The following FBXO11 variants were observed in gnomAD, a reference collection of about 807,000 sequenced individuals.
FBXO11 encodes F-box only protein 11.
In FBXO11, 13 loss-of-function variants were observed where a neutral mutation model predicts 117.0. That is an observed-to-expected ratio of 0.11 (90% CI 0.07 to 0.18). The LOEUF is 0.18. Among genes scored for constraint, FBXO11 ranks in the 10% least tolerant of loss-of-function variants. The pLI, the probability that FBXO11 is intolerant of heterozygous loss-of-function variation, is 1.00. For synonymous variants in FBXO11, 490 were observed against 380.5 expected (o/e 1.29, Z -3.35); for missense variants, 767 against 1,164.4 (o/e 0.66, Z 4.97).
chr2:47,905,512 T>C lies in FBXO11; in HGVS notation c.209A>G (p.Glu70Gly). Residue 70 changes from glutamate (E) to glycine (G), a missense_variant, in exon 1 of 23, where the codon GAG (glutamate) becomes GGG (glycine). Glu to Gly is a moderately conservative substitution (Grantham distance 98, BLOSUM62 -2). This residue lies in a region of FBXO11 where 355 missense variants were observed against 299.8 expected (regional missense o/e 1.18). Coordinates refer to ENST00000403359, the MANE Select transcript of FBXO11 (RefSeq NM_001190274.2). ...PPPPPPPLPQ[E>G]RNNVGERDDD... ...ACCCCGCTCGCCGACGTTGTTCCGCTCCTGAGGCAGCGGCGGAGGCGGCGG... is the reference window on the plus strand; with the variant it reads ...ACCCCGCTCGCCGACGTTGTTCCGCCCCTGAGGCAGCGGCGGAGGCGGCGG... 1 of 1,233,176 alleles carries C rather than the reference T, an allele frequency of 8.1e-7. No individual in the cohort carries two copies. The highest frequency in any genetic ancestry group is 1.0e-6 in the Non-Finnish European group (1 of 990,100). The allele number at this position is 1,233,176 out of a possible 1,614,324, so 76.4% of individuals were successfully genotyped here. A position where few individuals can be genotyped will look rare whatever the true frequency, so the allele number is the denominator to read the frequency against.
intron 1 of FBXO11, among the ~76,000 whole-genome samples, chr2:47,860,701 C>G (rs1371189118): frequency 6.6e-6 from 1 of 151,572 alleles, no homozygotes; most frequent in Admixed American, 6.6e-5. Context: ...GCCACCACGC[C>G]CAGCCTACCC....
At position 47,813,816 on chromosome 2, in the gene FBXO11, A is replaced by G; in HGVS notation, c.2058T>C (p.Asn686=). The change falls in exon 17 of 23, where the codon AAT becomes AAC. Residue 686 remains asparagine (N), a synonymous_variant. Coordinates refer to ENST00000403359, the MANE Select transcript of FBXO11 (RefSeq NM_001190274.2). ...CAGAATTATAAACTAGAATTCCACC[A>G]TTCTGTCCTCCCCAGATTTTGTTGC... The part of the protein sequence containing the change: ...IRRNKIWGGQ[N]GGILVYNSGL... 2 of 1,613,576 alleles carry G rather than the reference A, an allele frequency of 1.2e-6. No individual in the cohort carries two copies. The highest frequency in any genetic ancestry group is 1.7e-6 in the Non-Finnish European group (2 of 1,179,564).
At chr2:47,831,079 G>GT (rs1466532223) in intron 11 of FBXO11, among the ~76,000 whole-genome samples, 2 of 151,722 alleles carry the variant, frequency 1.3e-5, no homozygotes, top group Admixed American at 6.6e-5. Context: ...GATTACAGGT[G>GT]TGAGCCACTG....
chr2:47,890,094 G>T (rs938219864), intron 1 of FBXO11, among the ~76,000 whole-genome samples: 1 of 152,062 alleles, frequency 6.6e-6, no homozygotes, highest in African/African-American at 2.4e-5. Context: ...AGGACTACAG[G>T]TACATGCCAC....
chr2:47,855,954 C>G lies in FBXO11; in HGVS notation c.233-16185G>C, dbSNP rs540783672. ...ACAGAGATATCAAGTTCATTCAAAA[C>G]CTGAGCAAAAGCCAGGCATGGGGGT... is the stretch of plus-strand genomic sequence containing the variant. On this transcript the variant is annotated intron_variant, in intron 1 of 22. Coordinates refer to ENST00000403359, the MANE Select transcript of FBXO11 (RefSeq NM_001190274.2). Among the ~76,000 whole-genome samples the G allele has an allele frequency of 1.3e-4, 20 of 150,848 alleles. No individual in the cohort carries two copies. The South Asian group carries it at 4.2e-3, about 32-fold the overall frequency.
At chr2:47,849,310 TTC>T (rs1253089505) in intron 1 of FBXO11, among the ~76,000 whole-genome samples, 1 of 152,232 alleles carries the variant, frequency 6.6e-6, no homozygotes, top group Non-Finnish European at 1.5e-5. Context: ...AAGCAAATGT[TTC>T]TGATTTTATA....
At chr2:47,820,000 C>G (rs1485417051) in intron 14 of FBXO11, among the ~76,000 whole-genome samples, 1 of 152,182 alleles carries the variant, frequency 6.6e-6, no homozygotes, top group African/African-American at 2.4e-5. Context: ...ACTTCAGTGA[C>G]TCATACAGTA....
In FBXO11 at chr2:47,905,566, TGCTGCTGCGGCGGCGGCGGAG is replaced by T. The variant is rs1003713657; in HGVS notation, c.134_154del (p.Pro45_Gln51del). The T allele has an allele frequency of 4.4e-5, 55 of 1,251,076 alleles. No homozygotes were observed. The highest frequency in any genetic ancestry group is 5.1e-5 in the Non-Finnish European group (51 of 1,000,352). 77.5% of individuals were successfully genotyped at this position (1,251,076 alleles called of 1,614,324 possible). On this transcript the variant is annotated inframe_deletion, in exon 1 of 23. Transcript: ENST00000403359. ...CGGCGGCGGAGGCTGCTGCTGCTGCTGCTGCTGCGGCGGCGGCGGAGGCTGCTGCTGGGGCGGCTGCTGCTG... is the reference window on the plus strand; with the variant it reads ...CGGCGGCGGAGGCTGCTGCTGCTGCTGCTGCTGCTGGGGCGGCTGCTGCTG...
chr2:47,904,044 C>T (rs1485387800), intron 1 of FBXO11, among the ~76,000 whole-genome samples: 2 of 152,226 alleles, frequency 1.3e-5, no homozygotes, highest in African/African-American at 4.8e-5. Context: ...CTACCTTTAA[C>T]AGTGACTGGT....
chr2:47,870,041 T>C (rs1036737819), intron 1 of FBXO11, among the ~76,000 whole-genome samples: 1 of 152,180 alleles, frequency 6.6e-6, no homozygotes, highest in Admixed American at 6.5e-5. Context: ...GTGGGCCTTA[T>C]CCATTCAGTG....
intron 5 of FBXO11, among the ~76,000 whole-genome samples, chr2:47,835,214 A>G (rs946884833): frequency 1.3e-5 from 2 of 152,210 alleles, no homozygotes; most frequent in African/African-American, 2.4e-5. Context: ...GTGACAATCA[A>G]AAAATGTCTC....
chr2:47,877,167 A>G (rs1676068116), intron 1 of FBXO11, among the ~76,000 whole-genome samples: 1 of 151,926 alleles, frequency 6.6e-6, no homozygotes, highest in Admixed American at 6.6e-5. Context: ...GCATGGGACC[A>G]CAGGTGTGCA....
At chr2:47,853,881 A>T (rs568112673) in intron 1 of FBXO11, among the ~76,000 whole-genome samples, 120 of 152,352 alleles carry the variant, frequency 7.9e-4, no homozygotes, top group Middle Eastern at 3.4e-3. Flanking sequence ...AAAAACTCTT[A>T]TGAGGTAGAA....
Position 47,905,668 on chromosome 2 carries a change from C to A in FBXO11, c.53G>T (p.Arg18Leu). 5.3e-6 allele frequency: 8 copies of A among 1,501,466 alleles called. No homozygotes were observed. Among genetic ancestry groups the A allele is most frequent in the Non-Finnish European group, 7.1e-6 (8 of 1,127,226 alleles). 93.0% of individuals were successfully genotyped at this position (1,501,466 alleles called of 1,614,324 possible). ...NRRPRRVSRP[R>L]PVQQQQQQPP... ...CTGCTGCTGCTGTTGCTGCACCGGG[C>A]GCGGCCGCGACACTCGCCTGGGTCT... The change falls in exon 1 of 23, where the codon CGC becomes CTC. Residue 18 changes from arginine to leucine, a missense_variant. Around this residue, in one of 10 missense-constraint regions of FBXO11, gnomAD observed 355 missense variants for 299.8 expected, o/e 1.18. Coordinates refer to ENST00000403359, the MANE Select transcript of FBXO11 (RefSeq NM_001190274.2).
At chr2:47,901,566 CAATA>C (rs1678304403) in intron 1 of FBXO11, among the ~76,000 whole-genome samples, 1 of 152,008 alleles carries the variant, frequency 6.6e-6, no homozygotes, top group African/African-American at 2.4e-5. Context: ...TAAACTGTGG[CAATA>C]TTACCTATTC....
intron 1 of FBXO11, among the ~76,000 whole-genome samples, chr2:47,892,952 T>C (rs1677372410): frequency 6.6e-6 from 1 of 151,790 alleles, no homozygotes; most frequent in Non-Finnish European, 1.5e-5. Flanking sequence ...CAATAAATAA[T>C]TACCAGCCTG....
At chr2:47,905,327 C>G (rs1464483015) in intron 1 of FBXO11, 162 bp downstream of exon 1, 6 of 685,472 alleles carry the variant, frequency 8.8e-6, no homozygotes, top group Non-Finnish European at 1.2e-5. Flanking sequence ...GGGCCCGGCC[C>G]GGGCTGACAC....
intron 1 of FBXO11, among the ~76,000 whole-genome samples, chr2:47,867,929 T>C (rs1375186452): frequency 6.6e-6 from 1 of 152,206 alleles, no homozygotes; most frequent in Non-Finnish European, 1.5e-5. Context: ...ACAACAATTT[T>C]TTTTAAGTCT....
intron 1 of FBXO11, among the ~76,000 whole-genome samples, chr2:47,862,879 A>AC (rs1489844259): frequency 2.0e-5 from 3 of 152,036 alleles, no homozygotes; most frequent in Non-Finnish European, 2.9e-5. Context: ...ACATGGTGAA[A>AC]CCCCATCTCT....
Sources: allele counts gnomAD v4.1 joint callset (sites outside exome capture counted in the v4.1 genomes callset), GRCh38; gene constraint gnomAD v4.1.1; regional missense constraint gnomAD v4.1.1; transcripts MANE v1.5; gene names NCBI Gene and HGNC (gene_info 2026-07-23, HGNC 2026-07-21).